Variants in BCL9 observed in about 807,000 individuals in gnomAD.
BCL9 encodes BCL9 transcription coactivator, also known as B-cell CLL/lymphoma 9 protein.
Under a neutral mutation model 88.5 loss-of-function variants are expected in BCL9, and 25 were observed. That is an observed-to-expected ratio of 0.28 (90% CI 0.21 to 0.39). The LOEUF is 0.39. Among genes scored for constraint, BCL9 ranks in the 10% least tolerant of loss-of-function variants. The pLI is 1.00. For missense variants in BCL9, 1,817 were observed against 1,877.8 expected (o/e 0.97, Z 0.60); for synonymous variants, 711 against 673.3 (o/e 1.06, Z -0.87).
chr1:147,624,272 C>T lies in BCL9; in HGVS notation c.3594C>T (p.Pro1198=), dbSNP rs144558566. 100 of 1,614,104 alleles carry T rather than the reference C, an allele frequency of 6.2e-5. 1 individual carries two copies. The highest frequency in any genetic ancestry group is 1.6e-4 in the Middle Eastern group (1 of 6,084). The change falls in exon 10 of 10, where the codon CCC becomes CCT. Residue 1198 remains proline, a synonymous_variant. Coordinates refer to ENST00000234739, the MANE Select transcript of BCL9 (RefSeq NM_004326.4). The surrounding 1 kb of genome is among the most constrained non-coding windows in gnomAD (Gnocchi z 4.4). ...CAGCACTTTGCAAGCCTGGAGGCCC[C>T]GGGGGTCCTGACTCCTTCACTGTCC... ...ADAALCKPGG[P]GGPDSFTVLG...
chr1:147,557,608 T>C (rs1345789061), intron 1 of BCL9, among the ~76,000 whole-genome samples: 10 of 152,112 alleles, frequency 6.6e-5, no homozygotes, highest in Non-Finnish European at 1.2e-4. Flanking sequence ...ATAAATGAAT[T>C]TCACGTTGAA....
intron 1 of BCL9, among the ~76,000 whole-genome samples, chr1:147,570,211 G>A (rs1215755294): frequency 2.6e-5 from 4 of 152,322 alleles, no homozygotes; most frequent in South Asian, 4.1e-4. Flanking sequence ...CACCTAGAAG[G>A]AGCATGATGA....
At chr1:147,587,756 C>CTG (rs3045400) in intron 1 of BCL9, among the ~76,000 whole-genome samples, 13,420 of 141,690 alleles carry the variant, frequency 0.095, 625 homozygotes, top group Non-Finnish European at 0.11. Flanking sequence ...GTAGTGAGGC[C>CTG]TGTGTGTGTG....
chr1:147,574,630 A>T (rs1194510034), intron 1 of BCL9, among the ~76,000 whole-genome samples: 1 of 152,208 alleles, frequency 6.6e-6, no homozygotes, highest in Non-Finnish European at 1.5e-5. Flanking sequence ...CCAACATGGG[A>T]GTAATATCCG....
At chr1:147,568,239 A>G (rs1291250781) in intron 1 of BCL9, among the ~76,000 whole-genome samples, 3 of 152,232 alleles carry the variant, frequency 2.0e-5, no homozygotes, top group Non-Finnish European at 4.4e-5. Context: ...TGGTCAGATC[A>G]TCTCCTAAGA....
intron 1 of BCL9, among the ~76,000 whole-genome samples, chr1:147,542,385 T>A (rs1403078378): frequency 1.3e-5 from 2 of 152,218 alleles, no homozygotes; most frequent in East Asian, 3.8e-4. Flanking sequence ...GTGCCTCAAT[T>A]TCCCCATCTG....
At chr1:147,568,902 CCT>C in intron 1 of BCL9, among the ~76,000 whole-genome samples, 2 of 152,154 alleles carry the variant, frequency 1.3e-5, no homozygotes, top group South Asian at 4.2e-4. Context: ...TCAGTCATTC[CCT>C]GAGTACCTAC....
chr1:147,549,522 A>AGGAG (rs1441278550), intron 1 of BCL9, among the ~76,000 whole-genome samples: 5 of 152,230 alleles, frequency 3.3e-5, no homozygotes, highest in Admixed American at 1.3e-4. Flanking sequence ...AGTCTGGACA[A>AGGAG]TCAGAGAATA....
intron 1 of BCL9, among the ~76,000 whole-genome samples, chr1:147,558,605 A>G (rs191055149): frequency 6.6e-6 from 1 of 152,140 alleles, no homozygotes; most frequent in East Asian, 1.9e-4. Flanking sequence ...ATCTGTGGAG[A>G]CATGGAGAGT....
chr1:147,612,203 A>C (rs1658042108), intron 4 of BCL9, among the ~76,000 whole-genome samples: 1 of 152,188 alleles, frequency 6.6e-6, no homozygotes, highest in South Asian at 2.1e-4. Context: ...GCAAACAAGG[A>C]AACTGAGGCC....
chr1:147,572,890 G>A lies in BCL9; in HGVS notation c.-478+31216G>A, dbSNP rs373992326. ...CCGCTACACATGGCCACAGGTAGAA[G>A]AATTCAATCCTCAGTGGTAACATTT... On this transcript the variant is annotated intron_variant, in intron 1 of 9. Coordinates refer to ENST00000234739, the MANE Select transcript of BCL9 (RefSeq NM_004326.4). 5.6e-4 allele frequency among the ~76,000 whole-genome samples: 86 copies of A among 152,322 alleles called. 2 individuals carry two copies. In the East Asian group the frequency reaches 0.015, roughly 26 times the overall value.
intron 6 of BCL9, 133 bp downstream of exon 6, chr1:147,614,749 C>A: frequency 1.0e-6 from 1 of 978,304 alleles, no homozygotes; most frequent in Non-Finnish European, 1.4e-6. Context: ...CTCCCCAACC[C>A]AAACTCCCCC....
intron 1 of BCL9, among the ~76,000 whole-genome samples, chr1:147,568,764 G>C (rs1013709107): frequency 9.9e-5 from 15 of 152,168 alleles, no homozygotes; most frequent in Admixed American, 2.6e-4. Context: ...TCTAGCCCCA[G>C]GGCATTGGGC....
intron 1 of BCL9, among the ~76,000 whole-genome samples, chr1:147,568,806 G>T (rs587667771): frequency 3.9e-5 from 6 of 152,238 alleles, no homozygotes; most frequent in African/African-American, 1.4e-4. Context: ...TTCTTTAAAT[G>T]TATCATTATT....
chr1:147,561,677 C>T (rs138461604), intron 1 of BCL9, among the ~76,000 whole-genome samples: 209 of 152,274 alleles, frequency 1.4e-3, no homozygotes, highest in African/African-American at 4.7e-3. Flanking sequence ...AAAATGAATA[C>T]GATTCAGTCC....
At chr1:147,610,607 T>TTCA (rs1557852909) in intron 3 of BCL9, among the ~76,000 whole-genome samples, 1 of 152,198 alleles carries the variant, frequency 6.6e-6, no homozygotes. Context: ...TCCTCCTTCA[T>TTCA]TCCTATACTT....
rs369754296 is a variant in BCL9 at position 147,587,208 on chromosome 1, T to G, written c.-477-17569T>G. Among the ~76,000 whole-genome samples the G allele has an allele frequency of 9.9e-5, 15 of 152,184 alleles. No homozygotes were observed. In the East Asian group the frequency reaches 1.2e-3, roughly 12 times the overall value. On this transcript the variant is annotated intron_variant, in intron 1 of 9. Transcript: ENST00000234739. The stretch of plus-strand genomic sequence containing the variant: ...CGCTAAGTCACTCCCTCCCCTGTGC[T>G]TCTCCAGACTTTATACGCCCGAGAG...
chr1:147,559,601 T>C (rs1350791463), intron 1 of BCL9, among the ~76,000 whole-genome samples: 1 of 152,218 alleles, frequency 6.6e-6, no homozygotes, highest in Admixed American at 6.5e-5. Flanking sequence ...GTTGTACCCA[T>C]TGTGGATTAC....
At chr1:147,577,562 C>G (rs1167752472) in intron 1 of BCL9, among the ~76,000 whole-genome samples, 1 of 152,142 alleles carries the variant, frequency 6.6e-6, no homozygotes, top group Admixed American at 6.5e-5. Context: ...TTTAAGTACT[C>G]TGTTCCATTG....
Sources: allele counts gnomAD v4.1 joint callset (sites outside exome capture counted in the v4.1 genomes callset), GRCh38; gene constraint gnomAD v4.1.1; non-coding constraint Gnocchi (gnomAD v3.1); transcripts MANE v1.5; gene names NCBI Gene and HGNC (gene_info 2026-07-23, HGNC 2026-07-21).